The following ESRRG variants were observed in gnomAD, a reference collection of about 807,000 sequenced individuals.
The protein encoded by ESRRG is estrogen related receptor gamma, also known as estrogen-related receptor gamma.
ESRRG carries 13 observed loss-of-function variants against 44.0 expected under a neutral mutation model. The observed-to-expected ratio is 0.30, with a 90% CI of 0.19 to 0.47. ESRRG has a LOEUF of 0.47. ESRRG is among the 20% of genes least tolerant of loss of function. The pLI is 1.00. For missense variants in ESRRG, 395 were observed against 580.6 expected (o/e 0.68, Z 3.29); for synonymous variants, 215 against 214.6 (o/e 1.00, Z -0.02).
At chr1:217,063,429 T>A (rs752406588) in intron 1 of ESRRG, among the ~76,000 whole-genome samples, 1 of 152,218 alleles carries the variant, frequency 6.6e-6, no homozygotes, top group Non-Finnish European at 1.5e-5. Context: ...TTCCCTCACC[T>A]GATAGGCTAA....
intron 3 of ESRRG, among the ~76,000 whole-genome samples, chr1:216,568,315 T>C (rs935174440): frequency 2.6e-5 from 4 of 152,246 alleles, no homozygotes; most frequent in African/African-American, 9.6e-5. Flanking sequence ...CGAAAGACAT[T>C]TCATGCAAAG....
rs574510933 is a variant in ESRRG at position 216,967,142 on chromosome 1, C to T, written c.-105-27469G>A. Among the ~76,000 whole-genome samples, 20 of 152,008 alleles carry T rather than the reference C, an allele frequency of 1.3e-4. 1 individual carries two copies. In the East Asian group the frequency reaches 3.9e-3, roughly 29 times the overall value. On this transcript the variant is annotated intron_variant, in intron 1 of 7. Coordinates refer to the ESRRG transcript ENST00000359162. ...GGTACAGGGACTTCTTAAGTATCGC[C>T]TACCTACCCTCCACATACACAGCAT...
chr1:216,944,317 C>T (rs532538127), intron 1 of ESRRG, among the ~76,000 whole-genome samples: 1 of 152,212 alleles, frequency 6.6e-6, no homozygotes, highest in African/African-American at 2.4e-5. Flanking sequence ...ATCCTTGAGT[C>T]TAGCACTTTG....
At chr1:217,128,626 A>C (rs2092921470) in intron 1 of ESRRG, among the ~76,000 whole-genome samples, 1 of 152,222 alleles carries the variant, frequency 6.6e-6, no homozygotes. Context: ...CCTGAGATAA[A>C]AGATCTCATT....
At chr1:216,718,556 A>G (rs562222831) in intron 1 of ESRRG, among the ~76,000 whole-genome samples, 2 of 152,128 alleles carry the variant, frequency 1.3e-5, no homozygotes, top group Admixed American at 6.5e-5. Context: ...AAATATACAC[A>G]TAAGTATGAT....
chr1:217,121,738 T>G (rs1488983695), intron 1 of ESRRG, among the ~76,000 whole-genome samples: 1 of 152,172 alleles, frequency 6.6e-6, no homozygotes, highest in African/African-American at 2.4e-5. Flanking sequence ...TGGTTTTAAA[T>G]CCACTGGGAT....
At chr1:217,103,251 C>T (rs1276686900) in intron 1 of ESRRG, among the ~76,000 whole-genome samples, 1 of 152,076 alleles carries the variant, frequency 6.6e-6, no homozygotes, top group African/African-American at 2.4e-5. Flanking sequence ...GGTACTACCA[C>T]TGGTACTGCT....
At chr1:216,697,697 C>T (rs1045692922) in intron 1 of ESRRG, among the ~76,000 whole-genome samples, 2 of 152,158 alleles carry the variant, frequency 1.3e-5, no homozygotes, top group African/African-American at 2.4e-5. Flanking sequence ...AAGAAACTAA[C>T]GAGGTTAGAG....
At chr1:217,120,312 AT>A (rs2092802739) in intron 1 of ESRRG, among the ~76,000 whole-genome samples, 1 of 152,056 alleles carries the variant, frequency 6.6e-6, no homozygotes, top group Non-Finnish European at 1.5e-5. Context: ...ATTTTATTTC[AT>A]ACCTAATCCT....
At chr1:217,128,614 A>G (rs868655557) in intron 1 of ESRRG, among the ~76,000 whole-genome samples, 2 of 152,234 alleles carry the variant, frequency 1.3e-5, no homozygotes, top group Non-Finnish European at 2.9e-5. Context: ...AACTACTGTC[A>G]TCCTGAGATA....
At chr1:216,641,410 T>C (rs2066396536) in intron 3 of ESRRG, among the ~76,000 whole-genome samples, 1 of 152,236 alleles carries the variant, frequency 6.6e-6, no homozygotes, top group Admixed American at 6.5e-5. Flanking sequence ...GACAAATCTT[T>C]AAAACATTAG....
intron 1 of ESRRG, among the ~76,000 whole-genome samples, chr1:217,078,859 A>G (rs12127642): frequency 0.034 from 5,184 of 152,240 alleles, 118 homozygotes; most frequent in Non-Finnish European, 0.049. Context: ...CTGTCTCCCA[A>G]TGCAGAGGCT....
At chr1:216,779,102 A>G (rs2093723653) in intron 2 of ESRRG, among the ~76,000 whole-genome samples, 1 of 126,076 alleles carries the variant, frequency 7.9e-6, no homozygotes, top group Non-Finnish European at 1.6e-5. Context: ...GGCTTAAACT[A>G]TATATATATA....
chr1:216,752,175 A>T (rs2092084398), intron 2 of ESRRG, among the ~76,000 whole-genome samples: 1 of 152,140 alleles, frequency 6.6e-6, no homozygotes, highest in Non-Finnish European at 1.5e-5. Context: ...GATGTAAAAG[A>T]GTTAAGTATT....
At chr1:217,022,564 T>G (rs1459302321) in intron 1 of ESRRG, among the ~76,000 whole-genome samples, 1 of 152,202 alleles carries the variant, frequency 6.6e-6, no homozygotes, top group Non-Finnish European at 1.5e-5. Context: ...AATGAGTTTT[T>G]CCCAATGGTC....
chr1:216,696,056 A>T (rs1168426294), intron 1 of ESRRG, among the ~76,000 whole-genome samples: 4 of 152,192 alleles, frequency 2.6e-5, no homozygotes, highest in Non-Finnish European at 5.9e-5. Flanking sequence ...GAATTCTCAA[A>T]ATAATGTTCT....
intron 1 of ESRRG, among the ~76,000 whole-genome samples, chr1:217,024,349 G>A (rs1462921551): frequency 7.1e-6 from 1 of 140,560 alleles, no homozygotes; most frequent in African/African-American, 2.8e-5. Context: ...CAGAGCAAGA[G>A]TCCATTTAAA....
intron 2 of ESRRG, among the ~76,000 whole-genome samples, chr1:216,791,087 A>T (rs2094304701): frequency 6.6e-6 from 1 of 152,214 alleles, no homozygotes; most frequent in African/African-American, 2.4e-5. Context: ...TCTGTATCAC[A>T]GAGAACAACA....
chr1:217,071,228 T>C (rs749364729), intron 1 of ESRRG, among the ~76,000 whole-genome samples: 1 of 152,198 alleles, frequency 6.6e-6, no homozygotes, highest in Non-Finnish European at 1.5e-5. Context: ...TGCAGTTATG[T>C]ATTGGGTCTC....
Sources: allele counts gnomAD v4.1 joint callset (sites outside exome capture counted in the v4.1 genomes callset), GRCh38; gene constraint gnomAD v4.1.1; transcripts MANE v1.5; gene names NCBI Gene and HGNC (gene_info 2026-07-23, HGNC 2026-07-21).